The following AMMECR1L variants were observed in gnomAD, a reference collection of about 807,000 sequenced individuals.
AMMECR1L encodes AMMECR1 like, also known as AMMECR1-like protein.
AMMECR1L carries 4 observed loss-of-function variants against 36.8 expected under a neutral mutation model. The ratio of observed to expected loss-of-function variants is 0.11; its 90% CI spans 0.05 to 0.25. The LOEUF is 0.25. Among genes scored for constraint, AMMECR1L ranks in the 10% least tolerant of loss-of-function variants. The pLI, the probability that AMMECR1L is intolerant of heterozygous loss-of-function variation, is 1.00. For missense variants in AMMECR1L, 232 were observed against 392.1 expected (o/e 0.59, Z 3.45); for synonymous variants, 147 against 148.0 (o/e 0.99, Z 0.05).
chr2:127,880,093 TGG>T, intron 2 of AMMECR1L, among the ~76,000 whole-genome samples: 1 of 152,334 alleles, frequency 6.6e-6, no homozygotes. Context: ...GCTTGAGCCC[TGG>T]AGTTTGAGAC....
At chr2:127,878,474 C>T (rs1319241679) in intron 2 of AMMECR1L, among the ~76,000 whole-genome samples, 1 of 151,978 alleles carries the variant, frequency 6.6e-6, no homozygotes, top group East Asian at 1.9e-4. Context: ...TACACCAAAC[C>T]ACACCTGAAG....
chr2:127,873,782 A>ATG lies in AMMECR1L; in HGVS notation c.407+44_407+45dup. 6.2e-7 allele frequency: 1 copy of ATG among 1,611,918 alleles called. No individual in the cohort carries two copies. The highest frequency in any genetic ancestry group is 8.5e-7 in the Non-Finnish European group (1 of 1,179,742). On this transcript the variant is annotated intron_variant, in intron 3 of 7. Coordinates refer to ENST00000272647, the MANE Select transcript of AMMECR1L (RefSeq NM_001199140.2). The surrounding 1 kb of genome is among the most constrained non-coding windows in gnomAD (Gnocchi z 5.2). ...CTCTCAAGAGAATCACCCCAGAAAGATGTCACCATGCCTTCCTCAGTGCCC... is the reference window on the plus strand; with the variant it reads ...CTCTCAAGAGAATCACCCCAGAAAGATGTGTCACCATGCCTTCCTCAGTGCCC...
intron 2 of AMMECR1L, among the ~76,000 whole-genome samples, chr2:127,877,165 G>C (rs1691286116): frequency 2.0e-5 from 3 of 151,570 alleles, no homozygotes; most frequent in Admixed American, 1.3e-4. Context: ...GGCAACTCCT[G>C]GGGGGCCAGT....
At position 127,871,001 on chromosome 2, in the gene AMMECR1L, C is replaced by G. The variant is rs920327973; in HGVS notation, c.519-73G>C. 3 of 1,173,380 alleles carry G rather than the reference C, an allele frequency of 2.6e-6. No homozygotes were observed. The highest frequency in any genetic ancestry group is 3.6e-6 in the Non-Finnish European group (3 of 823,174). 72.7% of individuals were successfully genotyped at this position (1,173,380 alleles called of 1,614,324 possible). On this transcript the variant is annotated intron_variant, in intron 4 of 7. Coordinates refer to ENST00000272647, the MANE Select transcript of AMMECR1L (RefSeq NM_001199140.2). The surrounding 1 kb of genome is among the most constrained non-coding windows in gnomAD (Gnocchi z 4.3). ...CCAATATCAGGTGCCATAGAGCCCA[C>G]ATATTTATGAATCTTGAGCTATGCA... is the stretch of plus-strand genomic sequence containing the variant.
chr2:127,868,557 A>G (rs957650137), intron 6 of AMMECR1L, among the ~76,000 whole-genome samples: 9 of 152,208 alleles, frequency 5.9e-5, no homozygotes, highest in Non-Finnish European at 4.4e-5. Context: ...TGTGTTTCAC[A>G]TATTATTTTC....
At position 127,871,420 on chromosome 2, in the gene AMMECR1L, A is replaced by T; in HGVS notation, c.408-61T>A. The T allele has an allele frequency of 6.5e-7, 1 of 1,527,810 alleles. No homozygotes were observed. Among genetic ancestry groups the T allele is most frequent in the East Asian group, 2.3e-5 (1 of 42,906 alleles). The allele number at this position is 1,527,810 out of a possible 1,614,324, so 94.6% of individuals were successfully genotyped here. ...CAAATTAATCATGGATAAGAACAAA[A>T]CCTTTTGGCTTTGTCCCTATTCATT... On this transcript the variant is annotated intron_variant, in intron 3 of 7. Transcript: ENST00000272647. The surrounding 1 kb of genome is among the most constrained non-coding windows in gnomAD (Gnocchi z 4.3).
At chr2:127,875,808 T>A (rs1166375050) in intron 2 of AMMECR1L, among the ~76,000 whole-genome samples, 1 of 152,160 alleles carries the variant, frequency 6.6e-6, no homozygotes, top group Admixed American at 6.5e-5. Context: ...TCTCTTTTTC[T>A]TTAAGAGACA....
chr2:127,873,966 G>A lies in AMMECR1L; in HGVS notation c.269C>T (p.Pro90Leu). 1.2e-6 allele frequency: 2 copies of A among 1,614,230 alleles called. No individual in the cohort carries two copies. The highest frequency in any genetic ancestry group is 1.7e-6 in the Non-Finnish European group (2 of 1,180,042). ...NPASGALSPL[P>L]RPNGTANTTK... ...GGTGTTGGCAGTTCCATTAGGCCGG[G>A]GAAGAGGGCTCAGCGCTCCCGATGC... Residue 90 changes from proline (P) to leucine (L), a missense_variant, in exon 3 of 8, where the codon CCC becomes CTC. By Grantham distance (98) the Pro-to-Leu change is moderately conservative (BLOSUM62 -3). Around this residue, in one of 3 missense-constraint regions of AMMECR1L, gnomAD observed 109 missense variants for 128.1 expected, o/e 0.85. Transcript: ENST00000272647. The surrounding 1 kb of genome is among the most constrained non-coding windows in gnomAD (Gnocchi z 5.2).
intron 4 of AMMECR1L, 37 bp from the exon 5 acceptor site, chr2:127,870,965 GGA>G: frequency 1.3e-6 from 2 of 1,505,230 alleles, no homozygotes; most frequent in South Asian, 2.4e-5. Flanking sequence ...AGGCTGCTCT[GGA>G]GTCAGGAGCC....
intron 2 of AMMECR1L, among the ~76,000 whole-genome samples, chr2:127,880,402 T>C (rs1030262216): frequency 3.9e-5 from 6 of 152,192 alleles, no homozygotes; most frequent in Non-Finnish European, 7.3e-5. Context: ...CAGCAACCAC[T>C]GTTTTACCTC....
Position 127,885,854 on chromosome 2 carries a change from G to T in AMMECR1L, c.-193C>A. ...GCGGCTGGGGCGGACGGGACCTCTC[G>T]CGCTCTGCCTCCTCCTCTTGCTTCA... is the stretch of plus-strand genomic sequence containing the variant. On this transcript the variant is annotated 5_prime_UTR_variant, in exon 1 of 8. Transcript: ENST00000272647. 1 of 985,794 alleles carries T rather than the reference G, an allele frequency of 1.0e-6. No homozygotes were observed. Among genetic ancestry groups the T allele is most frequent in the Non-Finnish European group, 1.2e-6 (1 of 829,914 alleles). 61.1% of individuals were successfully genotyped at this position (985,794 alleles called of 1,614,324 possible).
chr2:127,870,251 T>C lies in AMMECR1L; in HGVS notation c.633+563A>G, dbSNP rs538805045. The stretch of plus-strand genomic sequence containing the variant: ...AATCACTTGAACCCAGGGGTGGAGG[T>C]TGCAGTGAGCTGAGATTGCACCACT... On this transcript the variant is annotated intron_variant, in intron 5 of 7. Coordinates refer to ENST00000272647, the MANE Select transcript of AMMECR1L (RefSeq NM_001199140.2). Among the ~76,000 whole-genome samples the C allele has an allele frequency of 1.4e-3, 206 of 150,884 alleles. 3 individuals carry two copies. The highest frequency in any genetic ancestry group is 4.9e-3 in the African/African-American group (202 of 40,972).
Position 127,873,054 on chromosome 2 carries a change from T to C in AMMECR1L, c.407+774A>G. 2 of 985,406 alleles carry C rather than the reference T, an allele frequency of 2.0e-6. No individual in the cohort carries two copies. The highest frequency in any genetic ancestry group is 2.4e-6 in the Non-Finnish European group (2 of 829,932). The allele number at this position is 985,406 out of a possible 1,614,324, so 61.0% of individuals were successfully genotyped here. On this transcript the variant is annotated intron_variant, in intron 3 of 7. Coordinates refer to ENST00000272647, the MANE Select transcript of AMMECR1L (RefSeq NM_001199140.2). This position sits in a 1 kb window ranked among gnomAD's most constrained non-coding sequence, Gnocchi z 5.2. ...TCTCCATGCCCCAGCCAAGGTTTTG[T>C]AGTCTCCGTATGGCAATCAACAACT...
intron 2 of AMMECR1L, among the ~76,000 whole-genome samples, chr2:127,883,887 A>G (rs887100485): frequency 6.6e-6 from 1 of 152,102 alleles, no homozygotes; most frequent in Non-Finnish European, 1.5e-5. Flanking sequence ...ACTTAAGACA[A>G]CCTCTTTGGT....
In AMMECR1L at chr2:127,874,117, T is replaced by C. The variant is rs909518234; in HGVS notation, c.118A>G (p.Thr40Ala). Residue 40 changes from threonine (T) to alanine (A), a missense_variant, in exon 3 of 8, where the codon ACT becomes GCT. Thr to Ala is a moderately conservative substitution (Grantham distance 58, BLOSUM62 0). Transcript: ENST00000272647. This position sits in a 1 kb window ranked among gnomAD's most constrained non-coding sequence, Gnocchi z 5.2. ...GTHSHGNQST[T>A]VPGSSSGPLQ... ...GGTCCTGAACTAGAGCCGGGGACAG[T>C]TGTGGACTGATTCCCGTGACTGTGC... 2 of 1,614,160 alleles carry C rather than the reference T, an allele frequency of 1.2e-6. No homozygotes were observed. The highest frequency in any genetic ancestry group is 2.2e-5 in the East Asian group (1 of 44,886).
intron 2 of AMMECR1L, among the ~76,000 whole-genome samples, chr2:127,882,415 C>G (rs1691543741): frequency 6.6e-6 from 1 of 152,160 alleles, no homozygotes; most frequent in East Asian, 1.9e-4. Context: ...TGAAATGGCA[C>G]CTGAGCTATA....
Position 127,870,626 on chromosome 2 carries a change from C to CA in AMMECR1L, c.633+187dup, listed in dbSNP as rs1373390413. 2.0e-5 allele frequency among the ~76,000 whole-genome samples: 3 copies of CA among 152,110 alleles called. No individual in the cohort carries two copies. The East Asian group carries it at 5.8e-4, about 29-fold the overall frequency. On this transcript the variant is annotated intron_variant, in intron 5 of 7. Transcript: ENST00000272647. ...GAGAATCAGGAGAAGCGAGCCTTTC[C>CA]ACTGACACTTCTGCCTACTCCTGGT...
intron 3 of AMMECR1L, chr2:127,872,974 T>C (rs1573548697): frequency 1.0e-6 from 1 of 982,184 alleles, no homozygotes; most frequent in African/African-American, 1.7e-5. Flanking sequence ...TGTGCGTGTG[T>C]GATTTGCCAA....
rs1001336069 is a variant in AMMECR1L at position 127,861,889 on chromosome 2, T to C, written c.*3205A>G. ...TGAAATTGTAGATGTCAACACATCATGGAAAACAGATCTTGTGCAAAATAT... is the reference window on the plus strand; with the variant it reads ...TGAAATTGTAGATGTCAACACATCACGGAAAACAGATCTTGTGCAAAATAT... On this transcript the variant is annotated 3_prime_UTR_variant, in exon 8 of 8. Coordinates refer to ENST00000272647, the MANE Select transcript of AMMECR1L (RefSeq NM_001199140.2). 3.3e-5 allele frequency: 5 copies of C among 152,630 alleles called. No homozygotes were observed. Among genetic ancestry groups the C allele is most frequent in the Admixed American group, 2.6e-4 (4 of 15,278 alleles). The allele number at this position is 152,630 out of a possible 1,614,324, so 9.5% of individuals were successfully genotyped here.
Sources: allele counts gnomAD v4.1 joint callset (sites outside exome capture counted in the v4.1 genomes callset), GRCh38; gene constraint gnomAD v4.1.1; regional missense constraint gnomAD v4.1.1; non-coding constraint Gnocchi (gnomAD v3.1); transcripts MANE v1.5; gene names NCBI Gene and HGNC (gene_info 2026-07-23, HGNC 2026-07-21).